PCAT7: variants seen among roughly 807,000 people sequenced by gnomAD.
PCAT7 encodes prostate cancer associated transcript 7.
chr9:94,556,861 A>G (rs1564177040), intron 1 of PCAT7, among the ~76,000 whole-genome samples: 1 of 152,200 alleles, frequency 6.6e-6, no homozygotes, highest in Non-Finnish European at 1.5e-5. Context: ...ATTTTTGTAT[A>G]TGGTAAGGTA....
chr9:94,570,942 T>G (rs1400773022), intron 2 of PCAT7: 1 of 152,270 alleles, frequency 6.6e-6, no homozygotes, highest in Non-Finnish European at 1.5e-5. Flanking sequence ...CTTAAATACT[T>G]AACCTTTTGG....
chr9:94,572,759 C>T (rs2406664), intron 2 of PCAT7, among the ~76,000 whole-genome samples: 74,022 of 152,060 alleles, frequency 0.49, 18,655 homozygotes, highest in African/African-American at 0.61. Flanking sequence ...TGCATACATG[C>T]AGTGATTTTC....
chr9:94,559,116 T>C lies in PCAT7; in HGVS notation n.405T>C. On this transcript the variant is annotated non_coding_transcript_exon_variant, in exon 2 of 9. Coordinates refer to ENST00000647389, the Ensembl canonical transcript of PCAT7. The stretch of plus-strand genomic sequence containing the variant: ...AATGATGTAGGCCACGGGATTGCAT[T>C]CATACAGGAGCCGGAGCTGTGGAGG... 1 of 1,612,096 alleles carries C rather than the reference T, an allele frequency of 6.2e-7. No individual in the cohort carries two copies. Among genetic ancestry groups the C allele is most frequent in the African/African-American group, 1.3e-5 (1 of 74,988 alleles).
At chr9:94,571,292 C>A (rs1279994302) in intron 2 of PCAT7, among the ~76,000 whole-genome samples, 1 of 152,166 alleles carries the variant, frequency 6.6e-6, no homozygotes, top group Non-Finnish European at 1.5e-5. Context: ...GGGACAGAGG[C>A]CCTTCATGGT....
At chr9:94,568,839 T>A (rs892386915) in intron 2 of PCAT7, 2 of 152,196 alleles carry the variant, frequency 1.3e-5, no homozygotes, top group Non-Finnish European at 2.9e-5. Flanking sequence ...TAGTCATTAA[T>A]TGCACCCACT....
chr9:94,557,000 A>G (rs951563352), intron 1 of PCAT7, among the ~76,000 whole-genome samples: 4 of 151,880 alleles, frequency 2.6e-5, no homozygotes, highest in Non-Finnish European at 5.9e-5. Context: ...AAACGCGTGA[A>G]TTTATTTCTG....
At chr9:94,564,340 A>G (rs1026632040) in intron 2 of PCAT7, among the ~76,000 whole-genome samples, 9 of 152,222 alleles carry the variant, frequency 5.9e-5, no homozygotes, top group Admixed American at 2.0e-4. Flanking sequence ...AAATCATTCT[A>G]TTGTAAAGAC....
rs557024685 is a variant in PCAT7, at chr9:94,556,112, G to A, written n.257+802G>A. 2.0e-5 allele frequency among the ~76,000 whole-genome samples: 3 copies of A among 151,516 alleles called. No individual in the cohort carries two copies. In the East Asian group the frequency reaches 5.9e-4, roughly 30 times the overall value. On this transcript the variant is annotated intron_variant and non_coding_transcript_variant, in intron 1 of 8. Coordinates refer to ENST00000647389, the Ensembl canonical transcript of PCAT7. ...GGAAGGAGAGTGGCAAGGAGGAGCC[G>A]GGGGAAAGACGATGAGGAAAACAGT...
intron 2 of PCAT7, among the ~76,000 whole-genome samples, chr9:94,561,775 G>A (rs1342644195): frequency 2.6e-5 from 4 of 152,198 alleles, no homozygotes; most frequent in African/African-American, 9.6e-5. Context: ...GAGAGACGTC[G>A]GCACAGGGAC....
At chr9:94,556,302 T>G (rs1827011876) in intron 1 of PCAT7, among the ~76,000 whole-genome samples, 2 of 147,216 alleles carry the variant, frequency 1.4e-5, no homozygotes, top group Admixed American at 6.8e-5. Context: ...GAAAATACGG[T>G]GGGAAAAAAA....
intron 2 of PCAT7, among the ~76,000 whole-genome samples, chr9:94,561,352 A>ACTT (rs1827097696): frequency 3.8e-4 from 21 of 54,990 alleles, no homozygotes; most frequent in Middle Eastern, 0.018. Context: ...TGTGACCTGT[A>ACTT]TTTTTTTTTT....
At chr9:94,570,101 T>G (rs1033887100) in intron 2 of PCAT7, 1 of 152,234 alleles carries the variant, frequency 6.6e-6, no homozygotes, top group Admixed American at 6.5e-5. Context: ...TCTGTCATGT[T>G]GACAAGCTCT....
At chr9:94,562,335 ATGTCCAT>A (rs1168787996) in intron 2 of PCAT7, among the ~76,000 whole-genome samples, 1 of 147,588 alleles carries the variant, frequency 6.8e-6, no homozygotes, top group Non-Finnish European at 1.5e-5. Context: ...AAAAAAAAGA[ATGTCCAT>A]TGTCCATGTC....
At chr9:94,558,331 G>C (rs143888660) in intron 1 of PCAT7, among the ~76,000 whole-genome samples, 6 of 152,246 alleles carry the variant, frequency 3.9e-5, no homozygotes, top group African/African-American at 1.4e-4. Context: ...ATCTCACTCT[G>C]TCACCCAAGC....
intron 2 of PCAT7, among the ~76,000 whole-genome samples, chr9:94,562,115 T>C (rs546559312): frequency 6.6e-6 from 1 of 151,750 alleles, no homozygotes; most frequent in Admixed American, 6.6e-5. Context: ...ATCGAGACCA[T>C]CCTGGCTAAC....
intron 2 of PCAT7, chr9:94,571,446 C>G: frequency 6.3e-7 from 1 of 1,595,246 alleles, no homozygotes; most frequent in Non-Finnish European, 8.5e-7. Flanking sequence ...CAGATGATGC[C>G]ATATTCTGTA....
intron 2 of PCAT7, among the ~76,000 whole-genome samples, chr9:94,566,038 T>C (rs1166391457): frequency 6.6e-6 from 1 of 152,218 alleles, no homozygotes; most frequent in African/African-American, 2.4e-5. Flanking sequence ...ACCGTAGAGT[T>C]CTTCTCCACC....
chr9:94,562,757 C>T (rs948185273), intron 2 of PCAT7, among the ~76,000 whole-genome samples: 2 of 152,104 alleles, frequency 1.3e-5, no homozygotes. Context: ...CTTGATAATA[C>T]AAGTATTTTA....
intron 2 of PCAT7, chr9:94,563,525 T>G: frequency 3.8e-6 from 6 of 1,573,134 alleles, no homozygotes; most frequent in Non-Finnish European, 4.3e-6. Flanking sequence ...CACCTGCTCG[T>G]GGTCACAAGT....
Sources: allele counts gnomAD v4.1 joint callset (sites outside exome capture counted in the v4.1 genomes callset), GRCh38; gene constraint gnomAD v4.1.1; transcripts MANE v1.5; gene names NCBI Gene and HGNC (gene_info 2026-07-23, HGNC 2026-07-21).